The following LIPJ variants were observed in gnomAD, a reference collection of about 807,000 sequenced individuals.
The protein encoded by LIPJ is lipase family member J, also known as lipase member J.
In LIPJ, 33 loss-of-function variants were observed where a neutral mutation model predicts 39.8. The observed-to-expected ratio is 0.83, with a 90% confidence interval of 0.63 to 1.11. The LOEUF (loss-of-function observed/expected upper bound fraction) is 1.11. LIPJ is among the 50% of genes least tolerant of loss of function. The pLI is 0.00. For synonymous variants in LIPJ, 128 were observed against 139.2 expected (o/e 0.92, Z 0.57); for missense variants, 422 against 427.9 (o/e 0.99, Z 0.12).
At chr10:88,609,803 G>A (rs1424498114), downstream of LIPJ, among the ~76,000 whole-genome samples, 1 of 151,720 alleles carries the variant, frequency 6.6e-6, no homozygotes. Flanking sequence ...GGAGGCTGAG[G>A]CAGGAGAATC....
At chr10:88,586,454 T>C (rs549010719), upstream of LIPJ, among the ~76,000 whole-genome samples, 1 of 152,284 alleles carries the variant, frequency 6.6e-6, no homozygotes, top group East Asian at 1.9e-4. Flanking sequence ...TTCCTATTCT[T>C]GATCTTTTCA....
upstream of LIPJ, among the ~76,000 whole-genome samples, chr10:88,586,087 C>T (rs1188673592): frequency 6.6e-6 from 1 of 152,174 alleles, no homozygotes; most frequent in Non-Finnish European, 1.5e-5. Flanking sequence ...GCTTGCATCT[C>T]CTGCAGTTGT....
At chr10:88,604,152 G>A (rs1210391661) in intron 9 of LIPJ, among the ~76,000 whole-genome samples, 4 of 152,206 alleles carry the variant, frequency 2.6e-5, no homozygotes, top group Non-Finnish European at 5.9e-5. Context: ...TAGGGAAAAG[G>A]TATTAGGCAT....
At chr10:88,601,985 C>G (rs905524149) in intron 8 of LIPJ, among the ~76,000 whole-genome samples, 4 of 152,160 alleles carry the variant, frequency 2.6e-5, no homozygotes, top group Non-Finnish European at 5.9e-5. Context: ...CTAGGCAATG[C>G]AAACATAGAT....
chr10:88,599,394 C>A (rs949294397), intron 8 of LIPJ, among the ~76,000 whole-genome samples: 15 of 151,910 alleles, frequency 9.9e-5, no homozygotes, highest in Admixed American at 9.9e-4. Flanking sequence ...AAAGTTTATA[C>A]CCTTTGACCA....
chr10:88,582,961 A>G (rs1228110920), upstream of LIPJ: 6 of 1,241,178 alleles, frequency 4.8e-6, no homozygotes, highest in Non-Finnish European at 5.5e-6. Flanking sequence ...CCGCTCAGGG[A>G]GCTGAGGGTA....
chr10:88,607,183 G>A (rs538834421), downstream of LIPJ, among the ~76,000 whole-genome samples: 8 of 152,122 alleles, frequency 5.3e-5, no homozygotes, highest in South Asian at 1.7e-3. Context: ...CATTTCAATT[G>A]CAGGAGATAA....
Position 88,590,613 on chromosome 10 carries a change from A to T in LIPJ, c.-75A>T. ...CCAAACGTGGTATCTTTTCACAATGATGTATTTTATCCGAATTCTTGGAAT... is the reference window on the plus strand; with the variant it reads ...CCAAACGTGGTATCTTTTCACAATGTTGTATTTTATCCGAATTCTTGGAAT... On this transcript the variant is annotated 5_prime_UTR_variant, in exon 3 of 11. The change abolishes an upstream ATG in the 5' untranslated region. Transcript: ENST00000371939. The T allele has an allele frequency of 8.6e-7, 1 of 1,165,156 alleles. No homozygotes were observed. Among genetic ancestry groups the T allele is most frequent in the South Asian group, 1.2e-5 (1 of 80,934 alleles). 72.2% of individuals were successfully genotyped at this position (1,165,156 alleles called of 1,614,324 possible). A position where few individuals can be genotyped will look rare whatever the true frequency, so the allele number is the denominator to read the frequency against.
In LIPJ at chr10:88,604,828, C is replaced by CT. The variant is rs570749739; in HGVS notation, c.796-805_796-804insT. On this transcript the variant is annotated intron_variant, in intron 9 of 10. Transcript: ENST00000371939. ...AGATAAACACTTTGAATATAAATGA[C>CT]ATGTAAAGCCAAGAGAGTGAGAATA... 1.4e-4 allele frequency among the ~76,000 whole-genome samples: 21 copies of CT among 152,176 alleles called. No individual in the cohort carries two copies. The South Asian group carries it at 4.4e-3, about 32-fold the overall frequency.
At chr10:88,612,147 AT>A in the LIPJ span, among the ~76,000 whole-genome samples, 4 of 152,202 alleles carry the variant, frequency 2.6e-5, no homozygotes, top group Admixed American at 6.5e-5. Flanking sequence ...TCACCTAAGA[AT>A]TTTGTATCCA....
the LIPJ span, among the ~76,000 whole-genome samples, chr10:88,613,770 G>GTATATATATATATATATA: frequency 9.9e-3 from 747 of 75,212 alleles, 24 homozygotes; most frequent in Non-Finnish European, 0.017. Context: ...ATGTGTGTGT[G>GTATATATATATATATATA]TATATATATA....
chr10:88,597,754 A>T lies in LIPJ; in HGVS notation c.723+818A>T, dbSNP rs138995869. On this transcript the variant is annotated intron_variant, in intron 8 of 10. Transcript: ENST00000371939. ...GTTCTCGTCTTTTCCACCCATAAAGATATGAGAAGGCAGAAAGGATTACTT... is the reference window on the plus strand; with the variant it reads ...GTTCTCGTCTTTTCCACCCATAAAGTTATGAGAAGGCAGAAAGGATTACTT... Among the ~76,000 whole-genome samples the T allele has an allele frequency of 7.2e-3, 1,095 of 152,084 alleles. 8 individuals carry two copies. Among genetic ancestry groups the T allele is most frequent in the Non-Finnish European group, 0.013 (888 of 67,898 alleles).
chr10:88,583,419 G>C (rs1377315208), upstream of LIPJ: 6 of 1,358,848 alleles, frequency 4.4e-6, no homozygotes, highest in Non-Finnish European at 5.7e-6. Flanking sequence ...CGGAGAACCG[G>C]GGCTGTCTGT....
chr10:88,608,225 A>G (rs982550308), downstream of LIPJ, among the ~76,000 whole-genome samples: 1 of 152,250 alleles, frequency 6.6e-6, no homozygotes, highest in Admixed American at 6.5e-5. Flanking sequence ...CCAGAGGCAC[A>G]GGCTCACTAA....
At chr10:88,602,604 A>C in exon 9 of LIPJ, 1 of 1,593,054 alleles carries the variant, frequency 6.3e-7, no homozygotes, top group Non-Finnish European at 8.5e-7. Flanking sequence ...TTTTCACACA[A>C]CCCAGCAGGA....
At chr10:88,583,205 G>C, upstream of LIPJ, 1 of 1,613,380 alleles carries the variant, frequency 6.2e-7, no homozygotes, top group Non-Finnish European at 8.5e-7. Flanking sequence ...AGAGGGAGCA[G>C]CGATCCGCGC....
rs961932779 is a variant in LIPJ, at chr10:88,596,508, C to T, written c.576+92C>T. On this transcript the variant is annotated intron_variant, in intron 7 of 10. Transcript: ENST00000371939. ...GATCTTGACTATACGTAGACAACCA[C>T]AAGTATGGATTGAAATTTTTGGTTT... The T allele has an allele frequency of 4.3e-5, 57 of 1,327,990 alleles. No homozygotes were observed. The African/African-American group carries it at 7.4e-4, about 17-fold the overall frequency. The allele number at this position is 1,327,990 out of a possible 1,614,324, so 82.3% of individuals were successfully genotyped here.
the LIPJ span, among the ~76,000 whole-genome samples, chr10:88,617,570 G>A: frequency 9.9e-5 from 15 of 152,268 alleles, no homozygotes; most frequent in East Asian, 2.9e-3. Context: ...GCTCATTAGT[G>A]AAGAGGAGAG....
chr10:88,593,805 T>A, intron 4 of LIPJ, 141 bp from the exon 5 acceptor site: 6 of 651,838 alleles, frequency 9.2e-6, no homozygotes, highest in Non-Finnish European at 1.6e-5. Context: ...CGGGATTAAA[T>A]CTTAATAACT....
Sources: gnomAD v4.1 joint callset for allele counts (sites outside exome capture counted in the v4.1 genomes callset) on GRCh38, gnomAD v4.1.1 for gene constraint, MANE v1.5 for transcripts, NCBI Gene and HGNC (gene_info 2026-07-23, HGNC 2026-07-21) for gene names.